KCNC2: variants seen among roughly 807,000 people sequenced by gnomAD.
The protein encoded by KCNC2 is voltage-gated potassium channel KCNC2.
A neutral mutation model predicts 44.5 loss-of-function variants in KCNC2; 21 were observed. That is an observed-to-expected ratio of 0.47 (90% CI 0.33 to 0.68). The LOEUF is 0.68. Among genes scored for constraint, KCNC2 ranks in the 30% least tolerant of loss-of-function variants. KCNC2 has a pLI of 0.01. For missense variants in KCNC2, 589 were observed against 826.2 expected, an observed-to-expected ratio of 0.71 and a Z score of 3.52; for synonymous variants, 391 against 339.1, an observed-to-expected ratio of 1.15 and a Z score of -1.68.
At chr12:75,053,183 G>A (rs1490884985) in intron 2 of KCNC2, among the ~76,000 whole-genome samples, 1 of 151,990 alleles carries the variant, frequency 6.6e-6, no homozygotes, top group African/African-American at 2.4e-5. Flanking sequence ...AATTTTATCT[G>A]TAGATTTAGG....
chr12:75,070,249 A>C (rs1460222483), intron 2 of KCNC2, among the ~76,000 whole-genome samples: 3 of 152,226 alleles, frequency 2.0e-5, no homozygotes, highest in East Asian at 3.9e-4. Context: ...CAGGAGTTCA[A>C]GACCAGTCTG....
At chr12:75,131,704 C>A (rs1346504797) in intron 2 of KCNC2, among the ~76,000 whole-genome samples, 7 of 152,104 alleles carry the variant, frequency 4.6e-5, no homozygotes, top group African/African-American at 1.7e-4. Flanking sequence ...AAGTCAGGCC[C>A]TGTAGGAGTG....
Position 75,159,944 on chromosome 12 carries a change from C to T in KCNC2, c.687+47353G>A, listed in dbSNP as rs2137518167. On this transcript the variant is annotated intron_variant, in intron 2 of 4. Transcript: ENST00000549446. Reference sequence around the variant, plus strand: ...CCCTGTACCTGGCACAAGTGTCTGTCCCAGAGTAGGTTCTATAAAAGTGAG... The same window carrying T: ...CCCTGTACCTGGCACAAGTGTCTGTTCCAGAGTAGGTTCTATAAAAGTGAG... 2.0e-5 allele frequency among the ~76,000 whole-genome samples: 3 copies of T among 151,838 alleles called. No homozygotes were observed. In the Middle Eastern group the frequency reaches 0.01, roughly 516 times the overall value.
intron 2 of KCNC2, among the ~76,000 whole-genome samples, chr12:75,132,927 T>C (rs1454762566): frequency 6.6e-6 from 1 of 152,092 alleles, no homozygotes; most frequent in Non-Finnish European, 1.5e-5. Flanking sequence ...CTTTCATTCA[T>C]TCCTTACTGA....
At chr12:75,066,295 C>A (rs1232929947) in intron 2 of KCNC2, among the ~76,000 whole-genome samples, 1 of 152,050 alleles carries the variant, frequency 6.6e-6, no homozygotes, top group East Asian at 1.9e-4. Context: ...ACACTCAAAG[C>A]TTGAGCTATA....
intron 2 of KCNC2, among the ~76,000 whole-genome samples, chr12:75,096,194 C>T (rs1885908545): frequency 6.6e-6 from 1 of 151,964 alleles, no homozygotes; most frequent in African/African-American, 2.4e-5. Context: ...AATCTTATTT[C>T]TCCATAAAAA....
intron 2 of KCNC2, among the ~76,000 whole-genome samples, chr12:75,156,258 T>A (rs1890750700): frequency 6.6e-6 from 1 of 151,752 alleles, no homozygotes; most frequent in South Asian, 2.1e-4. Context: ...CATTTTTTTT[T>A]TGTACAATTT....
rs566108091 is a variant in KCNC2, at chr12:75,204,686, C to T, written c.687+2611G>A. On this transcript the variant is annotated intron_variant, in intron 2 of 4. Coordinates refer to ENST00000549446, the MANE Select transcript of KCNC2 (RefSeq NM_139137.4). ...ATTGTGTCGATGCAAAATATAATTTCAACTTGTGGCCTCCACATATGATTC... is the reference window on the plus strand; with the variant it reads ...ATTGTGTCGATGCAAAATATAATTTTAACTTGTGGCCTCCACATATGATTC... Among the ~76,000 whole-genome samples the T allele has an allele frequency of 3.8e-3, 583 of 152,204 alleles. 2 individuals carry two copies. Among genetic ancestry groups the T allele is most frequent in the African/African-American group, 0.013 (537 of 41,550 alleles).
At chr12:75,054,486 C>T (rs982689708) in intron 2 of KCNC2, among the ~76,000 whole-genome samples, 3 of 152,026 alleles carry the variant, frequency 2.0e-5, no homozygotes, top group Admixed American at 2.0e-4. Flanking sequence ...CTTCACAGGT[C>T]CAGTAGCAGA....
intron 2 of KCNC2, among the ~76,000 whole-genome samples, chr12:75,115,466 C>T (rs1423901334): frequency 6.6e-6 from 1 of 152,152 alleles, no homozygotes; most frequent in Non-Finnish European, 1.5e-5. Flanking sequence ...ATTTCATCTA[C>T]TTCATTTTGT....
In KCNC2 at chr12:75,209,470, G is replaced by A. The variant is rs201235932; in HGVS notation, c.-283C>T. The A allele has an allele frequency of 1.3e-5, 2 of 152,242 alleles. No individual in the cohort carries two copies. The highest frequency in any genetic ancestry group is 2.9e-5 in the Non-Finnish European group (2 of 68,080). The allele number at this position is 152,242 out of a possible 1,614,324, so 9.4% of individuals were successfully genotyped here. ...CCAGTCGCCAACCTCCGCGCCCAGAGTCACCATCGCGCAGGGTTGGGCAAA... is the reference window on the plus strand; with the variant it reads ...CCAGTCGCCAACCTCCGCGCCCAGAATCACCATCGCGCAGGGTTGGGCAAA... On this transcript the variant is annotated 5_prime_UTR_variant, in exon 1 of 5. Coordinates refer to ENST00000549446, the MANE Select transcript of KCNC2 (RefSeq NM_139137.4).
At position 75,086,679 on chromosome 12, in the gene KCNC2, A is replaced by ATATATAT. The variant is rs1555208205; in HGVS notation, c.688-35363_688-35362insATATATA. On this transcript the variant is annotated intron_variant, in intron 2 of 4. Coordinates refer to ENST00000549446, the MANE Select transcript of KCNC2 (RefSeq NM_139137.4). ...ATTTGGCAAAAAAAAAAAAAAAAAAAAAATATATATATATATATATACACA... is the reference window on the plus strand; with the variant it reads ...ATTTGGCAAAAAAAAAAAAAAAAAAATATATATAAATATATATATATATATATACACA... 8.6e-3 allele frequency among the ~76,000 whole-genome samples: 254 copies of ATATATAT among 29,518 alleles called. 1 individual carries two copies. The East Asian group carries it at 0.19, about 22-fold the overall frequency. The allele number at this position is 29,518 out of a possible 152,430, so 19.4% of individuals were successfully genotyped here.
At chr12:75,152,830 G>A (rs887306099) in intron 2 of KCNC2, among the ~76,000 whole-genome samples, 4 of 151,940 alleles carry the variant, frequency 2.6e-5, no homozygotes, top group African/African-American at 9.7e-5. Context: ...CAATAATTTG[G>A]AAGCCTCAAG....
intron 2 of KCNC2, among the ~76,000 whole-genome samples, chr12:75,192,288 G>A (rs1428959251): frequency 6.6e-6 from 1 of 152,160 alleles, no homozygotes; most frequent in African/African-American, 2.4e-5. Context: ...TTCCATGAAG[G>A]CCTCGTTTCC....
rs143847287 is a variant in KCNC2, at chr12:75,050,886, A to G, written c.1119T>C (p.His373=). The G allele has an allele frequency of 2.0e-5, 33 of 1,613,708 alleles. No individual in the cohort carries two copies. The African/African-American group carries it at 3.6e-4, about 18-fold the overall frequency. ...RHFVGLRVLG[H]TLRASTNEFL... ...ATTCATTAGTACTAGCTCGAAGAGT[A>G]TGTCCAAGCACCCTCAGACCTACAA... Residue 373 remains histidine, a synonymous_variant, in exon 3 of 5, where the codon CAT becomes CAC. Coordinates refer to ENST00000549446, the MANE Select transcript of KCNC2 (RefSeq NM_139137.4).
At chr12:75,091,320 AC>A (rs1328052015) in intron 2 of KCNC2, among the ~76,000 whole-genome samples, 2 of 151,680 alleles carry the variant, frequency 1.3e-5, no homozygotes, top group Non-Finnish European at 3.0e-5. Flanking sequence ...CAGTGGTAGG[AC>A]CAATATGTCA....
At position 75,071,068 on chromosome 12, in the gene KCNC2, G is replaced by A. The variant is rs188952947; in HGVS notation, c.688-19751C>T. ...AGAAAGTATATTTTGCAGGATTGGCGTTGAAGCATATCTTCACCATTTGCT... is the reference window on the plus strand; with the variant it reads ...AGAAAGTATATTTTGCAGGATTGGCATTGAAGCATATCTTCACCATTTGCT... On this transcript the variant is annotated intron_variant, in intron 2 of 4. Coordinates refer to ENST00000549446, the MANE Select transcript of KCNC2 (RefSeq NM_139137.4). Among the ~76,000 whole-genome samples, 18 of 151,900 alleles carry A rather than the reference G, an allele frequency of 1.2e-4. No individual in the cohort carries two copies. In the South Asian group the frequency reaches 1.2e-3, roughly 11 times the overall value.
At chr12:75,152,399 T>C (rs1353723665) in intron 2 of KCNC2, among the ~76,000 whole-genome samples, 4 of 151,834 alleles carry the variant, frequency 2.6e-5, no homozygotes, top group Admixed American at 1.3e-4. Context: ...AAAAGAATGG[T>C]TCCCTTGGTT....
chr12:75,084,058 C>T (rs1317421777), intron 2 of KCNC2, among the ~76,000 whole-genome samples: 1 of 151,860 alleles, frequency 6.6e-6, no homozygotes, highest in Non-Finnish European at 1.5e-5. Context: ...GCCTTATACT[C>T]CTCTTGAAGT....
Sources: gnomAD v4.1 joint callset for allele counts (sites outside exome capture counted in the v4.1 genomes callset) on GRCh38, gnomAD v4.1.1 for gene constraint, MANE v1.5 for transcripts, NCBI Gene and HGNC (gene_info 2026-07-23, HGNC 2026-07-21) for gene names.